The following SORBS2 variants were observed in gnomAD, a reference collection of about 807,000 sequenced individuals.
SORBS2 encodes the protein sorbin and SH3 domain containing 2.
A neutral mutation model predicts 97.7 loss-of-function variants in SORBS2; 46 were observed. That is an observed-to-expected ratio of 0.47 (90% CI 0.37 to 0.60). The LOEUF is 0.60. Ranked by LOEUF, SORBS2 falls within the 20% of genes least tolerant of loss-of-function variation. The pLI is 0.00. For synonymous variants in SORBS2, 476 were observed against 473.4 expected (o/e 1.01, Z -0.07); for missense variants, 1,316 against 1,282.3 (o/e 1.03, Z -0.40).
At chr4:185,709,320 T>TTTCTTTTTTTC (rs1554199464) in intron 2 of SORBS2, among the ~76,000 whole-genome samples, 6,888 of 141,016 alleles carry the variant, frequency 0.049, 388 homozygotes, top group African/African-American at 0.11. Flanking sequence ...TTTTTTTTTT[T>TTTCTTTTTTTC]TTTTAGTAAA....
chr4:185,716,231 G>A (rs1181460783), intron 2 of SORBS2, among the ~76,000 whole-genome samples: 1 of 152,228 alleles, frequency 6.6e-6, no homozygotes, highest in Non-Finnish European at 1.5e-5. Context: ...AGTCAAGAGT[G>A]TAGATGCTGG....
chr4:185,922,911 C>T (rs2099261589), intron 1 of SORBS2, among the ~76,000 whole-genome samples: 1 of 152,110 alleles, frequency 6.6e-6, no homozygotes, highest in South Asian at 2.1e-4. Flanking sequence ...GGAACTGAAA[C>T]TGAAAATTCA....
Position 185,589,803 on chromosome 4 carries a change from A to T in SORBS2, c.2847-18T>A. On this transcript the variant is annotated intron_variant, in intron 13 of 14. Coordinates refer to ENST00000418609, the Ensembl canonical transcript of SORBS2. The stretch of plus-strand genomic sequence containing the variant: ...CCTGAAACCTTAAACAGGACAAGGG[A>T]ATGTGTTTAAAAACATCTTGACACC... 7.2e-7 allele frequency: 1 copy of T among 1,382,272 alleles called. No homozygotes were observed. Among genetic ancestry groups the T allele is most frequent in the Non-Finnish European group, 1.0e-6 (1 of 969,908 alleles). 85.6% of individuals were successfully genotyped at this position (1,382,272 alleles called of 1,614,324 possible).
At chr4:185,763,236 C>G (rs1468078293) in intron 2 of SORBS2, among the ~76,000 whole-genome samples, 1 of 152,092 alleles carries the variant, frequency 6.6e-6, no homozygotes, top group African/African-American at 2.4e-5. Context: ...GAAGATCACT[C>G]TGACCTTCCT....
chr4:185,799,735 G>A (rs778459683), intron 1 of SORBS2, among the ~76,000 whole-genome samples: 9 of 152,120 alleles, frequency 5.9e-5, no homozygotes, highest in East Asian at 1.9e-4. Flanking sequence ...CCTTCTTTGC[G>A]TCAGATGCAG....
At chr4:185,730,240 T>C (rs6827602) in intron 2 of SORBS2, among the ~76,000 whole-genome samples, 65,866 of 151,604 alleles carry the variant, frequency 0.43, 15,609 homozygotes, top group Admixed American at 0.54. Context: ...CAAACAATGA[T>C]GTGCAAGTAC....
chr4:185,698,193 T>C (rs2153528248), intron 2 of SORBS2, among the ~76,000 whole-genome samples: 1 of 152,288 alleles, frequency 6.6e-6, no homozygotes, highest in East Asian at 1.9e-4. Flanking sequence ...ATCAAGATCT[T>C]GGCCAGGCGC....
intron 7 of SORBS2, 98 bp from the exon 20 acceptor site, chr4:185,620,249 A>G (rs2096697759): frequency 1.3e-6 from 1 of 792,630 alleles, no homozygotes; most frequent in Middle Eastern, 2.8e-4. Flanking sequence ...TTTTTCCCCA[A>G]ATTTGGAGAG....
intron 2 of SORBS2, among the ~76,000 whole-genome samples, chr4:185,692,252 A>AC (rs1004614277): frequency 1.3e-4 from 20 of 151,720 alleles, no homozygotes; most frequent in East Asian, 9.7e-4. Flanking sequence ...ATCCACAAGA[A>AC]CCCCCCCGCA....
At chr4:185,904,645 T>C (rs145437777) in intron 1 of SORBS2, among the ~76,000 whole-genome samples, 1,562 of 152,336 alleles carry the variant, frequency 0.01, 16 homozygotes, top group Non-Finnish European at 0.016. Flanking sequence ...CATCAAGGGT[T>C]ATGTGAGGCA....
chr4:185,769,244 T>G (rs1156954436), intron 2 of SORBS2, among the ~76,000 whole-genome samples: 3 of 152,216 alleles, frequency 2.0e-5, no homozygotes, highest in Non-Finnish European at 4.4e-5. Context: ...GAAATTCGCT[T>G]ATGTTATATG....
At chr4:185,720,051 G>A (rs561324921) in intron 2 of SORBS2, among the ~76,000 whole-genome samples, 5 of 152,276 alleles carry the variant, frequency 3.3e-5, no homozygotes, top group South Asian at 2.1e-4. Flanking sequence ...TTTCCTGCTG[G>A]CTGGAACGCA....
chr4:185,731,909 T>TATATA (rs1491340120), intron 2 of SORBS2, among the ~76,000 whole-genome samples: 8 of 97,624 alleles, frequency 8.2e-5, no homozygotes, highest in African/African-American at 1.6e-4. Context: ...TATATATATA[T>TATATA]GTCTGTTTCT....
At chr4:185,738,521 A>G (rs2098702620) in intron 2 of SORBS2, among the ~76,000 whole-genome samples, 1 of 152,242 alleles carries the variant, frequency 6.6e-6, no homozygotes, top group South Asian at 2.1e-4. Context: ...TTTCATAAAA[A>G]AACTATTTTC....
chr4:185,900,113 G>A (rs1234674876), intron 1 of SORBS2, among the ~76,000 whole-genome samples: 1 of 152,100 alleles, frequency 6.6e-6, no homozygotes. Flanking sequence ...AGGCAATATA[G>A]TAAGAACCCA....
intron 2 of SORBS2, among the ~76,000 whole-genome samples, chr4:185,683,551 C>T (rs1000314627): frequency 6.6e-6 from 1 of 152,052 alleles, no homozygotes; most frequent in Non-Finnish European, 1.5e-5. Context: ...TTTCTAACAC[C>T]TTTTTATGTT....
intron 1 of SORBS2, among the ~76,000 whole-genome samples, chr4:185,827,213 CCATCATCACCATCAT>C (rs1561210941): frequency 1.1e-3 from 47 of 41,084 alleles, no homozygotes; most frequent in African/African-American, 4.1e-3. Flanking sequence ...ACCATCATCA[CCATCATCACCATCAT>C]CATCATCACC....
intron 2 of SORBS2, among the ~76,000 whole-genome samples, chr4:185,718,720 A>C (rs2098485998): frequency 6.6e-6 from 1 of 152,230 alleles, no homozygotes; most frequent in South Asian, 2.1e-4. Context: ...GAGCTGGGGC[A>C]TTCCAGATTC....
chr4:185,591,740 C>T (rs1001322115), intron 13 of SORBS2, among the ~76,000 whole-genome samples: 3 of 152,156 alleles, frequency 2.0e-5, no homozygotes, highest in Non-Finnish European at 4.4e-5. Flanking sequence ...TCATCTCCAC[C>T]CACTCATGGA....
Sources: gnomAD v4.1 joint callset for allele counts (sites outside exome capture counted in the v4.1 genomes callset) on GRCh38, gnomAD v4.1.1 for gene constraint, MANE v1.5 for transcripts, NCBI Gene and HGNC (gene_info 2026-07-23, HGNC 2026-07-21) for gene names.